Variants in RASEF observed in about 807,000 individuals in gnomAD.
RASEF encodes RAS and EF-hand domain containing, also known as ras and EF-hand domain-containing protein.
Under a neutral mutation model 90.1 loss-of-function variants are expected in RASEF, and 68 were observed. That is an observed-to-expected ratio of 0.75 (90% CI 0.62 to 0.92). The LOEUF (loss-of-function observed/expected upper bound fraction) is 0.92. Ranked by LOEUF, RASEF falls within the 40% of genes least tolerant of loss-of-function variation. The pLI is 0.00. For synonymous variants in RASEF, 331 were observed against 345.2 expected (o/e 0.96, Z 0.46); for missense variants, 949 against 937.2 (o/e 1.01, Z -0.16).
At chr9:82,987,333 A>C (rs530642380) in intron 16 of RASEF, among the ~76,000 whole-genome samples, 7 of 152,352 alleles carry the variant, frequency 4.6e-5, no homozygotes, top group African/African-American at 1.7e-4. Flanking sequence ...TGCAATAACA[A>C]TAAAACAAAA....
At chr9:83,015,487 C>A (rs2118527132) in intron 4 of RASEF, among the ~76,000 whole-genome samples, 1 of 152,202 alleles carries the variant, frequency 6.6e-6, no homozygotes, top group East Asian at 1.9e-4. Context: ...TTGAGACCAG[C>A]CTGGCCGACA....
At position 83,007,017 on chromosome 9, in the gene RASEF, C is replaced by T. The variant is rs1829145309; in HGVS notation, c.1028+420G>A. 6.6e-5 allele frequency among the ~76,000 whole-genome samples: 10 copies of T among 151,206 alleles called. 1 individual carries two copies. The South Asian group carries it at 2.1e-3, about 32-fold the overall frequency. On this transcript the variant is annotated intron_variant, in intron 7 of 16. Transcript: ENST00000376447. ...GCTGAGGCAGAAGAATGGCATGAAC[C>T]CAGGAAGCAGAGCTTGCAGTGAGCC...
the RASEF span, among the ~76,000 whole-genome samples, chr9:83,138,514 C>T: frequency 0.048 from 7,236 of 152,146 alleles, 560 homozygotes; most frequent in African/African-American, 0.16. Flanking sequence ...TATTTTGAGG[C>T]GTAGAAAACA....
the RASEF span, among the ~76,000 whole-genome samples, chr9:83,093,597 C>T: frequency 2.0e-5 from 3 of 152,338 alleles, no homozygotes; most frequent in Non-Finnish European, 4.4e-5. Flanking sequence ...TCGGCTGCTC[C>T]GAGTGTGGGG....
the RASEF span, among the ~76,000 whole-genome samples, chr9:83,194,740 G>T: frequency 1.5e-4 from 23 of 152,138 alleles, no homozygotes; most frequent in African/African-American, 5.6e-4. Flanking sequence ...TGGCCTCAGG[G>T]ACATTTATTT....
chr9:83,047,624 C>G (rs1214947563), intron 1 of RASEF, among the ~76,000 whole-genome samples: 1 of 152,158 alleles, frequency 6.6e-6, no homozygotes, highest in African/African-American at 2.4e-5. Context: ...AGGACATACC[C>G]ATTAGGGCAG....
the RASEF span, among the ~76,000 whole-genome samples, chr9:83,142,997 C>T: frequency 6.6e-6 from 1 of 152,126 alleles, no homozygotes; most frequent in Non-Finnish European, 1.5e-5. Flanking sequence ...TGTTATCTAG[C>T]TGGTCAGTAT....
chr9:82,985,817 A>G (rs1244414554), intron 16 of RASEF, among the ~76,000 whole-genome samples: 2 of 152,154 alleles, frequency 1.3e-5, no homozygotes, highest in African/African-American at 4.8e-5. Context: ...CAAGAGAGAA[A>G]AGGAATCAAG....
intron 2 of RASEF, 31 bp from the exon 3 acceptor site, chr9:83,022,457 T>C: frequency 6.8e-7 from 1 of 1,480,028 alleles, no homozygotes; most frequent in African/African-American, 1.4e-5. Context: ...CACCTTTTCA[T>C]TATACTCTTG....
chr9:83,052,925 C>G (rs1830044921), intron 1 of RASEF, among the ~76,000 whole-genome samples: 2 of 147,986 alleles, frequency 1.4e-5, no homozygotes. Context: ...GTTATAATTT[C>G]TGTTCTTTTA....
At chr9:83,091,979 T>C in the RASEF span, among the ~76,000 whole-genome samples, 1 of 151,198 alleles carries the variant, frequency 6.6e-6, no homozygotes, top group Non-Finnish European at 1.5e-5. Context: ...TATGTTACAT[T>C]TTTATATTCT....
the RASEF span, among the ~76,000 whole-genome samples, chr9:83,093,452 A>G: frequency 6.6e-6 from 1 of 152,222 alleles, no homozygotes; most frequent in African/African-American, 2.4e-5. Flanking sequence ...GCGGGAAGGC[A>G]GCTAAGGCCT....
chr9:83,151,245 T>C, the RASEF span, among the ~76,000 whole-genome samples: 2 of 152,194 alleles, frequency 1.3e-5, no homozygotes, highest in Non-Finnish European at 2.9e-5. Context: ...CCTTCCTGGC[T>C]ATATCCTGGA....
chr9:83,206,955 C>A, the RASEF span, among the ~76,000 whole-genome samples: 1 of 152,166 alleles, frequency 6.6e-6, no homozygotes, highest in African/African-American at 2.4e-5. Context: ...CCCGTCTAGG[C>A]CGGTCCCTTC....
At chr9:83,125,340 G>A in the RASEF span, among the ~76,000 whole-genome samples, 4 of 152,156 alleles carry the variant, frequency 2.6e-5, no homozygotes, top group African/African-American at 9.7e-5. Flanking sequence ...AAAGATCACA[G>A]CCCTGTCAGC....
chr9:83,153,209 T>A, the RASEF span, among the ~76,000 whole-genome samples: 1 of 152,186 alleles, frequency 6.6e-6, no homozygotes, highest in African/African-American at 2.4e-5. Flanking sequence ...ACCACTTCCC[T>A]TATACACCAT....
the RASEF span, among the ~76,000 whole-genome samples, chr9:83,156,025 T>C: frequency 1.3e-5 from 2 of 152,200 alleles, no homozygotes; most frequent in Admixed American, 6.6e-5. Flanking sequence ...ATAAGAATAA[T>C]ATCTCTTTTG....
the RASEF span, among the ~76,000 whole-genome samples, chr9:83,108,562 A>T: frequency 1.3e-5 from 2 of 152,302 alleles, no homozygotes; most frequent in East Asian, 3.9e-4. Flanking sequence ...AATGAAGGCT[A>T]AGAGATTATC....
chr9:83,113,609 A>G, the RASEF span, among the ~76,000 whole-genome samples: 1 of 152,164 alleles, frequency 6.6e-6, no homozygotes, highest in Admixed American at 6.5e-5. Flanking sequence ...CTGGGGAAGG[A>G]ATGCATTCCT....
Sources: gnomAD v4.1 joint callset for allele counts (sites outside exome capture counted in the v4.1 genomes callset) on GRCh38, gnomAD v4.1.1 for gene constraint, MANE v1.5 for transcripts, NCBI Gene and HGNC (gene_info 2026-07-23, HGNC 2026-07-21) for gene names.